The following HOOK1 variants were observed in gnomAD, a reference collection of about 807,000 sequenced individuals.
The protein encoded by HOOK1 is hook microtubule tethering protein 1.
Under a neutral mutation model 112.8 loss-of-function variants are expected in HOOK1, and 60 were observed. That is an observed-to-expected ratio of 0.53 (90% confidence interval 0.43 to 0.66). HOOK1 has a LOEUF of 0.66. Among genes scored for constraint, HOOK1 ranks in the 30% least tolerant of loss-of-function variants. HOOK1 has a pLI of 0.00. For synonymous variants in HOOK1, 294 were observed against 283.8 expected, an observed-to-expected ratio of 1.04 and a Z score of -0.36; for missense variants, 770 against 856.0, an observed-to-expected ratio of 0.90 and a Z score of 1.25.
Position 59,865,249 on chromosome 1 carries a change from G to C in HOOK1, c.1744+4G>C, listed in dbSNP as rs753150664. 12 of 1,564,850 alleles carry C rather than the reference G, an allele frequency of 7.7e-6. No homozygotes were observed. In the South Asian group the frequency reaches 1.3e-4, roughly 17 times the overall value. ...CAGCCAGATATAAATCAAAATGGTA[G>C]GTATCTGTGAAAACTTGGATCAGAC... On this transcript the variant is annotated splice_donor_region_variant and intron_variant, in intron 18 of 21. Coordinates refer to ENST00000371208, the MANE Select transcript of HOOK1 (RefSeq NM_015888.6).
intron 2 of HOOK1, among the ~76,000 whole-genome samples, chr1:59,826,770 T>C (rs1401011291): frequency 6.6e-6 from 1 of 152,208 alleles, no homozygotes. Context: ...CAGATTCTTT[T>C]TCTTTTTTTG....
At chr1:59,865,345 G>A (rs1033574595) in intron 18 of HOOK1, 100 bp downstream of exon 18, 7 of 651,242 alleles carry the variant, frequency 1.1e-5, no homozygotes, top group Non-Finnish European at 1.9e-5. Context: ...TTTGCACAAT[G>A]TGTAGATACA....
At chr1:59,862,945 A>G in intron 16 of HOOK1, 68 bp downstream of exon 16, 1 of 867,006 alleles carries the variant, frequency 1.2e-6, no homozygotes, top group South Asian at 1.4e-5. Flanking sequence ...ATGATGTCCA[A>G]ATTAATCTTG....
intron 2 of HOOK1, among the ~76,000 whole-genome samples, chr1:59,827,986 G>C (rs559531579): frequency 6.6e-6 from 1 of 152,202 alleles, no homozygotes; most frequent in African/African-American, 2.4e-5. Context: ...TCTCCTTCGA[G>C]TATAGTTATT....
At chr1:59,859,374 T>C (rs1252483732) in intron 14 of HOOK1, among the ~76,000 whole-genome samples, 1 of 152,060 alleles carries the variant, frequency 6.6e-6, no homozygotes, top group Non-Finnish European at 1.5e-5. Flanking sequence ...CAAAAATCAA[T>C]ATGATTTCAC....
intron 4 of HOOK1, 30 bp from the exon 5 acceptor site, chr1:59,833,375 T>C (rs769186324): frequency 2.1e-6 from 3 of 1,440,528 alleles, no homozygotes; most frequent in Non-Finnish European, 2.8e-6. Context: ...CCGACATAAA[T>C]GAGTGATCTA....
chr1:59,821,658 G>C (rs3767997), intron 1 of HOOK1, among the ~76,000 whole-genome samples, 200 bp from the exon 2 acceptor site: 7,252 of 151,920 alleles, frequency 0.048, 402 homozygotes, highest in African/African-American at 0.13. Context: ...GAAATGTTTA[G>C]TTTATTTTTA....
In HOOK1 at chr1:59,874,093, C is replaced by T. The variant is rs1402220050; in HGVS notation, c.*1128C>T. 6.6e-6 allele frequency: 1 copy of T among 151,842 alleles called. No individual in the cohort carries two copies. The highest frequency in any genetic ancestry group is 1.5e-5 in the Non-Finnish European group (1 of 67,960). 9.4% of individuals were successfully genotyped at this position (151,842 alleles called of 1,614,324 possible). ...TTTAGTTGTGTTAAATATGTGCTGT[C>T]GTATATCATAGCCATGAGCCATATA... On this transcript the variant is annotated 3_prime_UTR_variant, in exon 22 of 22. Coordinates refer to ENST00000371208, the MANE Select transcript of HOOK1 (RefSeq NM_015888.6).
intron 17 of HOOK1, 77 bp from the exon 18 acceptor site, chr1:59,865,086 G>A: frequency 2.4e-6 from 2 of 842,088 alleles, no homozygotes; most frequent in East Asian, 2.4e-5. Context: ...AGGAACCAAG[G>A]GTCAGAAAGC....
intron 1 of HOOK1, among the ~76,000 whole-genome samples, chr1:59,821,116 A>C (rs1040768084): frequency 6.6e-6 from 1 of 152,188 alleles, no homozygotes; most frequent in Non-Finnish European, 1.5e-5. Flanking sequence ...ATTTAACTTA[A>C]GGTGTTTATA....
chr1:59,822,563 A>G (rs1276379788), intron 2 of HOOK1, among the ~76,000 whole-genome samples: 1 of 152,172 alleles, frequency 6.6e-6, no homozygotes, highest in Non-Finnish European at 1.5e-5. Context: ...TTTTTCCCCT[A>G]ATATTTGCCA....
At chr1:59,839,603 G>A (rs1026020637) in intron 7 of HOOK1, among the ~76,000 whole-genome samples, 1 of 152,162 alleles carries the variant, frequency 6.6e-6, no homozygotes, top group Non-Finnish European at 1.5e-5. Flanking sequence ...GTACAATGGG[G>A]TTTTCTAAAT....
intron 3 of HOOK1, among the ~76,000 whole-genome samples, chr1:59,831,532 C>A (rs1440725070): frequency 6.6e-6 from 1 of 152,166 alleles, no homozygotes; most frequent in East Asian, 1.9e-4. Context: ...TCAAAGGAAC[C>A]ATTTTACACA....
chr1:59,871,807 C>G (rs1644059370), intron 21 of HOOK1, among the ~76,000 whole-genome samples: 1 of 152,176 alleles, frequency 6.6e-6, no homozygotes, highest in African/African-American at 2.4e-5. Flanking sequence ...ATGCTGTGCT[C>G]CACCAGAAAG....
At chr1:59,847,557 C>A (rs1037473806) in intron 10 of HOOK1, among the ~76,000 whole-genome samples, 2 of 151,612 alleles carry the variant, frequency 1.3e-5, no homozygotes, top group African/African-American at 4.8e-5. Flanking sequence ...CATATTTTGA[C>A]ATTTGATAAA....
chr1:59,851,114 G>T (rs1011038514), intron 12 of HOOK1, among the ~76,000 whole-genome samples: 5 of 151,432 alleles, frequency 3.3e-5, no homozygotes, highest in African/African-American at 1.2e-4. Flanking sequence ...GAAAGGGTGA[G>T]TTTTCAAACT....
intron 21 of HOOK1, among the ~76,000 whole-genome samples, chr1:59,871,355 G>A (rs550009605): frequency 8.7e-4 from 132 of 152,250 alleles, no homozygotes; most frequent in Non-Finnish European, 1.5e-3. Context: ...TAGCTGATAC[G>A]TATTGAAGCA....
chr1:59,847,598 CT>C (rs1215107738), intron 10 of HOOK1, among the ~76,000 whole-genome samples: 2 of 151,434 alleles, frequency 1.3e-5, no homozygotes, highest in African/African-American at 2.4e-5. Flanking sequence ...AGAATCCTAA[CT>C]TTTTTTGGGG....
In HOOK1 at chr1:59,858,520, A is replaced by T; in HGVS notation, c.1330+5A>T. ...AGGACCACCTAAACCAAACAGGTTA[A>T]TTTTGTTAGATTTAGAAAAGTTTCA... On this transcript the variant is annotated splice_donor_5th_base_variant and intron_variant, in intron 13 of 21. Transcript: ENST00000371208. 1 of 1,592,280 alleles carries T rather than the reference A, an allele frequency of 6.3e-7. No individual in the cohort carries two copies. The highest frequency in any genetic ancestry group is 8.6e-7 in the Non-Finnish European group (1 of 1,160,142).
Sources: gnomAD v4.1 joint callset for allele counts (sites outside exome capture counted in the v4.1 genomes callset) on GRCh38, gnomAD v4.1.1 for gene constraint, MANE v1.5 for transcripts, NCBI Gene and HGNC (gene_info 2026-07-23, HGNC 2026-07-21) for gene names.